Variants in ARHGEF17 observed in about 807,000 individuals in gnomAD.
The protein encoded by ARHGEF17 is 164 kDa Rho-specific guanine-nucleotide exchange factor.
Under a neutral mutation model 174.0 loss-of-function variants are expected in ARHGEF17, and 80 were observed. The observed-to-expected ratio is 0.46, with a 90% CI of 0.38 to 0.55. The LOEUF is 0.55. ARHGEF17 is among the 20% of genes least tolerant of loss of function. ARHGEF17 has a pLI of 0.00. For synonymous variants in ARHGEF17, 1,311 were observed against 1,189.1 expected (o/e 1.10, Z -2.11); for missense variants, 2,886 against 2,839.7 (o/e 1.02, Z -0.37).
At chr11:73,330,985 G>T (rs900606357) in intron 1 of ARHGEF17, among the ~76,000 whole-genome samples, 1 of 152,204 alleles carries the variant, frequency 6.6e-6, no homozygotes, top group Non-Finnish European at 1.5e-5. Context: ...AAGGCCAGGG[G>T]TTTCTAGGGG....
Position 73,315,621 on chromosome 11 carries a change from A to C in ARHGEF17, c.3192+3791A>C, listed in dbSNP as rs1027410477. Among the ~76,000 whole-genome samples, 7 of 152,106 alleles carry C rather than the reference A, an allele frequency of 4.6e-5. No homozygotes were observed. In the East Asian group the frequency reaches 1.3e-3, roughly 29 times the overall value. ...GAATTCTGAGCGGTACCAAATATCTATAATTAAATGTCTTGTCACCCAGCA... is the reference window on the plus strand; with the variant it reads ...GAATTCTGAGCGGTACCAAATATCTCTAATTAAATGTCTTGTCACCCAGCA... On this transcript the variant is annotated intron_variant, in intron 1 of 20. Transcript: ENST00000263674.
intron 2 of ARHGEF17, among the ~76,000 whole-genome samples, chr11:73,348,511 G>A (rs988198658): frequency 6.6e-6 from 1 of 152,208 alleles, no homozygotes; most frequent in Admixed American, 6.5e-5. Context: ...AAAGAAGCCA[G>A]TCTCAAAGGA....
At chr11:73,331,814 G>A (rs542168688) in intron 1 of ARHGEF17, among the ~76,000 whole-genome samples, 190 of 152,316 alleles carry the variant, frequency 1.2e-3, no homozygotes, top group Middle Eastern at 3.4e-3. Context: ...CTCACCTGGA[G>A]AATCACCCCA....
rs768784032 is a variant in ARHGEF17, at chr11:73,362,487, G to C, written c.4749G>C (p.Gly1583=). 3 of 1,598,534 alleles carry C rather than the reference G, an allele frequency of 1.9e-6. No individual in the cohort carries two copies. The highest frequency in any genetic ancestry group is 2.6e-6 in the Non-Finnish European group (3 of 1,175,526). The change falls in exon 14 of 21, where the codon GGG becomes GGC. Residue 1583 remains glycine, a synonymous_variant. Transcript: ENST00000263674. ...SPPETAPEPA[G]PELDVEAAAD... ...CAGAGACGGCACCGGAGCCCGCCGGGCCGGAGCTGGACGTCGAGGCCGCTG... is the reference window on the plus strand; with the variant it reads ...CAGAGACGGCACCGGAGCCCGCCGGCCCGGAGCTGGACGTCGAGGCCGCTG...
chr11:73,338,514 T>C lies in ARHGEF17; in HGVS notation c.3193-8369T>C, dbSNP rs562205951. Among the ~76,000 whole-genome samples the C allele has an allele frequency of 3.9e-4, 59 of 152,074 alleles. 1 individual carries two copies. Among genetic ancestry groups the C allele is most frequent in the Admixed American group, 3.7e-3 (56 of 15,292 alleles). On this transcript the variant is annotated intron_variant, in intron 1 of 20. Coordinates refer to ENST00000263674, the MANE Select transcript of ARHGEF17 (RefSeq NM_014786.4). ...TGGTGGGGTCAGGAGCATCAGACAG[T>C]CTGTGTGGGCCATTCGCCAGGGCCG...
At chr11:73,331,532 T>A (rs1250256342) in intron 1 of ARHGEF17, among the ~76,000 whole-genome samples, 4 of 151,980 alleles carry the variant, frequency 2.6e-5, no homozygotes, top group Non-Finnish European at 5.9e-5. Context: ...GGGCCCCTCC[T>A]CTGGGGTTCT....
At chr11:73,346,002 G>T (rs1865454203) in intron 1 of ARHGEF17, among the ~76,000 whole-genome samples, 1 of 152,134 alleles carries the variant, frequency 6.6e-6, no homozygotes, top group African/African-American at 2.4e-5. Flanking sequence ...GAGAGGAGCA[G>T]CAGGTAAGTT....
chr11:73,349,647 G>T (rs1001084589), intron 2 of ARHGEF17, among the ~76,000 whole-genome samples: 7 of 152,150 alleles, frequency 4.6e-5, no homozygotes, highest in African/African-American at 1.7e-4. Flanking sequence ...AAAACAAAAG[G>T]TGATGACGGC....
chr11:73,311,959 G>A, intron 1 of ARHGEF17, 129 bp downstream of exon 1: 1 of 1,063,030 alleles, frequency 9.4e-7, no homozygotes, highest in Non-Finnish European at 1.3e-6. Flanking sequence ...TCTGGTCCTG[G>A]AAGTGCCTGT....
intron 1 of ARHGEF17, among the ~76,000 whole-genome samples, chr11:73,337,023 C>G (rs531921377): frequency 6.6e-6 from 1 of 152,314 alleles, no homozygotes; most frequent in South Asian, 2.1e-4. Flanking sequence ...CACATAGTAT[C>G]ATTTCTGCTG....
At chr11:73,353,047 A>G (rs760496052) in intron 3 of ARHGEF17, 35 bp downstream of exon 3, 1 of 1,610,066 alleles carries the variant, frequency 6.2e-7, no homozygotes, top group Non-Finnish European at 8.5e-7. Flanking sequence ...TCCCACAAGC[A>G]CAGGCCCTCC....
At chr11:73,327,491 C>G (rs1255168628) in intron 1 of ARHGEF17, among the ~76,000 whole-genome samples, 2 of 152,234 alleles carry the variant, frequency 1.3e-5, no homozygotes, top group African/African-American at 4.8e-5. Context: ...TGAGGCCCTT[C>G]AGGACCTAGG....
intron 1 of ARHGEF17, among the ~76,000 whole-genome samples, chr11:73,325,362 C>T (rs962113762): frequency 6.6e-6 from 1 of 152,160 alleles, no homozygotes; most frequent in Non-Finnish European, 1.5e-5. Flanking sequence ...GAAGAAATTT[C>T]GTTCCAGGGC....
Position 73,356,273 on chromosome 11 carries a change from T to C in ARHGEF17, c.3762T>C (p.Gly1254=). The change falls in exon 6 of 21, where the codon GGT becomes GGC. Residue 1254 remains glycine (G), a synonymous_variant. Transcript: ENST00000263674. ...IKQVAERINK[G]VRSAEEAERH... is the part of the protein sequence containing the mutation. The stretch of plus-strand genomic sequence containing the variant: ...AGGTGGCTGAGCGCATCAACAAGGG[T>C]GTGCGGAGTGCCGAGGAGGCGGAGC... The C allele has an allele frequency of 1.9e-6, 3 of 1,613,552 alleles. No individual in the cohort carries two copies. Among genetic ancestry groups the C allele is most frequent in the Non-Finnish European group, 2.5e-6 (3 of 1,179,966 alleles).
At chr11:73,323,449 GT>G (rs1229291015) in intron 1 of ARHGEF17, among the ~76,000 whole-genome samples, 2 of 152,228 alleles carry the variant, frequency 1.3e-5, no homozygotes, top group Non-Finnish European at 2.9e-5. Flanking sequence ...AAAGAACCTT[GT>G]GATATTTGTA....
chr11:73,333,702 G>A (rs1865245553), intron 1 of ARHGEF17, among the ~76,000 whole-genome samples: 1 of 152,178 alleles, frequency 6.6e-6, no homozygotes, highest in Non-Finnish European at 1.5e-5. Flanking sequence ...CCTGGAACAG[G>A]GTGGGAGTAG....
intron 7 of ARHGEF17, 47 bp from the exon 8 acceptor site, chr11:73,356,978 T>C (rs371059085): frequency 6.3e-7 from 1 of 1,597,984 alleles, no homozygotes; most frequent in African/African-American, 1.3e-5. Context: ...GGGGGTGGGC[T>C]TCTGGACTGT....
chr11:73,335,486 A>G (rs939282023), intron 1 of ARHGEF17, among the ~76,000 whole-genome samples: 1 of 151,962 alleles, frequency 6.6e-6, no homozygotes, highest in African/African-American at 2.4e-5. Context: ...CCCAGCCTGG[A>G]AGGTCCAGCT....
intron 1 of ARHGEF17, among the ~76,000 whole-genome samples, chr11:73,331,514 A>G (rs1865203076): frequency 6.6e-6 from 1 of 151,752 alleles, no homozygotes; most frequent in Non-Finnish European, 1.5e-5. Context: ...GGCAACAGCC[A>G]GTTCACAGGG....
Sources: allele counts gnomAD v4.1 joint callset (sites outside exome capture counted in the v4.1 genomes callset), GRCh38; gene constraint gnomAD v4.1.1; transcripts MANE v1.5; gene names NCBI Gene and HGNC (gene_info 2026-07-23, HGNC 2026-07-21).